Variants in SCLT1 observed in about 807,000 individuals in gnomAD.
SCLT1 encodes the protein sodium channel and clathrin linker 1.
In SCLT1, 78 loss-of-function variants were observed where a neutral mutation model predicts 112.8. The ratio of observed to expected loss-of-function variants is 0.69; its 90% CI spans 0.58 to 0.83. The LOEUF (loss-of-function observed/expected upper bound fraction) is 0.83. SCLT1 is among the 40% of genes least tolerant of loss of function. The pLI is 0.00. For missense variants in SCLT1, 747 were observed against 770.4 expected, an observed-to-expected ratio of 0.97 and a Z score of 0.36; for synonymous variants, 257 against 254.7, an observed-to-expected ratio of 1.01 and a Z score of -0.09.
chr4:128,909,239 G>A (rs527772616), intron 18 of SCLT1, among the ~76,000 whole-genome samples: 186 of 152,078 alleles, frequency 1.2e-3, no homozygotes, highest in Non-Finnish European at 1.8e-3. Context: ...TTATCACACT[G>A]GCTTATTTTA....
intron 1 of SCLT1, among the ~76,000 whole-genome samples, chr4:129,086,338 C>G (rs1341852759): frequency 6.6e-6 from 1 of 150,840 alleles, no homozygotes; most frequent in African/African-American, 2.4e-5. Flanking sequence ...TATATATATA[C>G]ACACACACAT....
At chr4:129,038,884 A>C (rs534471159) in intron 5 of SCLT1, among the ~76,000 whole-genome samples, 157 bp downstream of exon 5, 10 of 152,334 alleles carry the variant, frequency 6.6e-5, no homozygotes, top group Non-Finnish European at 1.0e-4. Context: ...CCAGGGTCAC[A>C]CAGCTAACAA....
chr4:128,901,739 T>G (rs2125935962), intron 18 of SCLT1, among the ~76,000 whole-genome samples: 1 of 152,242 alleles, frequency 6.6e-6, no homozygotes, highest in Non-Finnish European at 1.5e-5. Context: ...TTCCATTCAT[T>G]TTAATCCAGA....
chr4:128,981,111 G>T (rs933773917), intron 9 of SCLT1, among the ~76,000 whole-genome samples: 2 of 152,078 alleles, frequency 1.3e-5, no homozygotes, highest in Admixed American at 1.3e-4. Context: ...GCCTTCCAGG[G>T]GCTCAAAGAC....
rs182227143 is a variant in SCLT1, at chr4:129,026,104, G to A, written c.290+12937C>T. ...AGACTCCAACACAATAATAATGGGA[G>A]ACTTTAACACCCCACTGTCAACATT... On this transcript the variant is annotated intron_variant, in intron 5 of 20. Transcript: ENST00000281142. Among the ~76,000 whole-genome samples, 249 of 152,236 alleles carry A rather than the reference G, an allele frequency of 1.6e-3. 2 individuals carry two copies. The highest frequency in any genetic ancestry group is 0.014 in the East Asian group (71 of 5,184).
chr4:128,900,186 A>G (rs1264240129), intron 18 of SCLT1, among the ~76,000 whole-genome samples: 2 of 152,222 alleles, frequency 1.3e-5, no homozygotes, highest in African/African-American at 4.8e-5. Flanking sequence ...TTGAAAGTTC[A>G]TATGGAACCA....
chr4:129,018,772 C>T (rs1329427688), intron 5 of SCLT1, among the ~76,000 whole-genome samples: 1 of 151,936 alleles, frequency 6.6e-6, no homozygotes, highest in Non-Finnish European at 1.5e-5. Flanking sequence ...TTTATGATTC[C>T]TTATTTTACT....
intron 18 of SCLT1, among the ~76,000 whole-genome samples, chr4:128,923,294 G>A (rs1674962): frequency 0.73 from 109,997 of 151,692 alleles, 40,190 homozygotes; most frequent in African/African-American, 0.81. Flanking sequence ...AAAAATACAA[G>A]ATTTAGCTGG....
chr4:128,996,984 T>C (rs1347178938), intron 8 of SCLT1, among the ~76,000 whole-genome samples: 1 of 151,940 alleles, frequency 6.6e-6, no homozygotes, highest in Non-Finnish European at 1.5e-5. Context: ...CATATAGAAA[T>C]ATATTAAATT....
chr4:128,900,817 A>T (rs1209705339), intron 18 of SCLT1, among the ~76,000 whole-genome samples: 1 of 152,340 alleles, frequency 6.6e-6, no homozygotes, highest in Admixed American at 6.5e-5. Flanking sequence ...CAATGAACTC[A>T]AACAAATTTA....
intron 2 of SCLT1, among the ~76,000 whole-genome samples, chr4:129,075,472 T>C (rs962288800): frequency 1.3e-5 from 2 of 152,110 alleles, no homozygotes; most frequent in Admixed American, 6.6e-5. Flanking sequence ...TGCAAAATCA[T>C]CCCTTCAAGG....
At chr4:129,083,262 T>A (rs1752112477) in intron 1 of SCLT1, among the ~76,000 whole-genome samples, 1 of 147,420 alleles carries the variant, frequency 6.8e-6, no homozygotes, top group African/African-American at 2.5e-5. Context: ...TTTATTTACA[T>A]CAAGAAAAGT....
Position 128,997,903 on chromosome 4 carries a change from G to A in SCLT1, c.586C>T (p.Leu196Phe). ...LFDFQQLTKQ[L>F]HVTNENMEVT... Reference sequence around the variant, plus strand: ...TCCATGTTCTCATTAGTAACATGAAGTTGTTTGGTCAGTTGTTGAAAATCA... The same window carrying A: ...TCCATGTTCTCATTAGTAACATGAAATTGTTTGGTCAGTTGTTGAAAATCA... Residue 196 changes from leucine (L) to phenylalanine (F), a missense_variant, in exon 8 of 21, where the codon CTT becomes TTT. Physicochemically the swap from Leu to Phe is conservative, Grantham distance 22. Around this residue, in one of 2 missense-constraint regions of SCLT1, gnomAD observed 723 missense variants for 721.3 expected, o/e 1.00. Transcript: ENST00000281142. 1 of 1,514,538 alleles carries A rather than the reference G, an allele frequency of 6.6e-7. No homozygotes were observed. The highest frequency in any genetic ancestry group is 8.9e-7 in the Non-Finnish European group (1 of 1,125,044). The allele number at this position is 1,514,538 out of a possible 1,614,324, so 93.8% of individuals were successfully genotyped here. A position where few individuals can be genotyped will look rare whatever the true frequency, so the allele number is the denominator to read the frequency against.
intron 2 of SCLT1, among the ~76,000 whole-genome samples, chr4:129,067,308 T>G (rs1466163757): frequency 6.6e-6 from 1 of 151,942 alleles, no homozygotes; most frequent in Admixed American, 6.6e-5. Flanking sequence ...ATGGGAAGGA[T>G]TAACTCTTGA....
intron 2 of SCLT1, among the ~76,000 whole-genome samples, chr4:129,068,014 C>T (rs1366844533): frequency 2.6e-5 from 4 of 151,964 alleles, no homozygotes; most frequent in Non-Finnish European, 5.9e-5. Flanking sequence ...ACCTGAGTCC[C>T]CAAAGTCCAT....
Position 129,048,933 on chromosome 4 carries a change from C to T in SCLT1, c.103-4882G>A, listed in dbSNP as rs541253274. Among the ~76,000 whole-genome samples, 1,178 of 151,986 alleles carry T rather than the reference C, an allele frequency of 7.8e-3. 15 individuals are homozygous for T. The highest frequency in any genetic ancestry group is 0.027 in the African/African-American group (1,130 of 41,424). ...TGCAAATCAAAACCACAATGAGATACCATCTCAAACCAGTTAGAATGGCAA... is the reference window on the plus strand; with the variant it reads ...TGCAAATCAAAACCACAATGAGATATCATCTCAAACCAGTTAGAATGGCAA... On this transcript the variant is annotated intron_variant, in intron 2 of 20. Transcript: ENST00000281142.
At chr4:129,080,377 C>T (rs767985323) in intron 2 of SCLT1, among the ~76,000 whole-genome samples, 19 of 152,210 alleles carry the variant, frequency 1.2e-4, no homozygotes, top group Admixed American at 3.3e-4. Flanking sequence ...TTAAAAGCAG[C>T]CAGGCTACAT....
chr4:128,891,896 C>T (rs1175598738), intron 18 of SCLT1, among the ~76,000 whole-genome samples: 2 of 152,086 alleles, frequency 1.3e-5, no homozygotes, highest in Non-Finnish European at 2.9e-5. Flanking sequence ...CCACCCTCCT[C>T]GGCCTCCCAA....
Position 129,062,044 on chromosome 4 carries a change from C to T in SCLT1, c.103-17993G>A, listed in dbSNP as rs150552372. On this transcript the variant is annotated intron_variant, in intron 2 of 20. Coordinates refer to ENST00000281142, the MANE Select transcript of SCLT1 (RefSeq NM_144643.4). ...CATTAACTCGCAGCCACCCCAGTGGCGAGGTCCGTAGGAGTTAATGCAGGG... is the reference window on the plus strand; with the variant it reads ...CATTAACTCGCAGCCACCCCAGTGGTGAGGTCCGTAGGAGTTAATGCAGGG... Among the ~76,000 whole-genome samples the T allele has an allele frequency of 5.9e-3, 889 of 151,616 alleles. 17 individuals are homozygous for T. The highest frequency in any genetic ancestry group is 0.049 in the Admixed American group (749 of 15,238).
Sources: allele counts gnomAD v4.1 joint callset (sites outside exome capture counted in the v4.1 genomes callset), GRCh38; gene constraint gnomAD v4.1.1; regional missense constraint gnomAD v4.1.1; transcripts MANE v1.5; gene names NCBI Gene and HGNC (gene_info 2026-07-23, HGNC 2026-07-21).